Variants in CDK12 observed in about 807,000 individuals in gnomAD.
CDK12 encodes cyclin dependent kinase 12.
A neutral mutation model predicts 133.8 loss-of-function variants in CDK12; 17 were observed. The ratio of observed to expected loss-of-function variants is 0.13; its 90% CI spans 0.09 to 0.19. The LOEUF is 0.19. Ranked by LOEUF, CDK12 falls within the 10% of genes least tolerant of loss-of-function variation. The pLI, the probability that CDK12 is intolerant of heterozygous loss-of-function variation, is 1.00. For synonymous variants in CDK12, 694 were observed against 683.6 expected (o/e 1.02, Z -0.24); for missense variants, 1,508 against 1,818.7 (o/e 0.83, Z 3.11).
chr17:39,467,097 G>A (rs1232217738), intron 1 of CDK12, among the ~76,000 whole-genome samples: 2 of 152,038 alleles, frequency 1.3e-5, no homozygotes, highest in Admixed American at 1.3e-4. Context: ...TCCTGCCTCA[G>A]CCTCCCAAGT....
rs2051922442 is a variant in CDK12 at position 39,494,692 on chromosome 17, A to G, written c.2417A>G (p.Lys806Arg). The change falls in exon 5 of 14, where the codon AAA becomes AGA. Residue 806 changes from lysine (K) to arginine (R), a missense_variant and splice_region_variant. Physicochemically the swap from Lys to Arg is conservative, Grantham distance 26. Transcript: ENST00000447079. ...GATGCACTGGATTTCAAGAAGGACA[A>G]AGGTACTAGCAAAGAATCACATTTT... is the stretch of plus-strand genomic sequence containing the variant. ...KQDALDFKKD[K>R]GAFYLVFEYM... The G allele has an allele frequency of 3.2e-6, 5 of 1,562,832 alleles. 1 individual carries two copies. In the African/African-American group the frequency reaches 5.5e-5, roughly 17 times the overall value.
Position 39,515,711 on chromosome 17 carries a change from C to A in CDK12, c.2769-20C>A. On this transcript the variant is annotated intron_variant, in intron 8 of 13. Coordinates refer to ENST00000447079, the MANE Select transcript of CDK12 (RefSeq NM_016507.4). ...GCTCTAAGAATTTCTCTTCTGACCT[C>A]TCAATTTTACCTTTTCTAGATGTAT... 6.4e-7 allele frequency: 1 copy of A among 1,567,242 alleles called. No homozygotes were observed. Among genetic ancestry groups the A allele is most frequent in the Non-Finnish European group, 8.8e-7 (1 of 1,139,358 alleles).
chr17:39,563,200 C>T (rs1441738995), intron 3 of CDK12, among the ~76,000 whole-genome samples: 1 of 151,946 alleles, frequency 6.6e-6, no homozygotes, highest in Admixed American at 6.6e-5. Flanking sequence ...CACACACTCA[C>T]ACACACGAAT....
intron 1 of CDK12, among the ~76,000 whole-genome samples, chr17:39,467,833 T>C (rs1001396334): frequency 2.0e-5 from 3 of 152,168 alleles, no homozygotes; most frequent in South Asian, 2.1e-4. Context: ...CAGTATTTTA[T>C]ATTCTCATGT....
At chr17:39,493,281 A>G (rs1015057002) in intron 4 of CDK12, among the ~76,000 whole-genome samples, 1 of 147,650 alleles carries the variant, frequency 6.8e-6, no homozygotes, top group Non-Finnish European at 1.5e-5. Context: ...GGGATTATAG[A>G]TGTGAGCCAC....
chr17:39,481,635 T>C (rs12940667), intron 2 of CDK12, among the ~76,000 whole-genome samples: 393 of 18,124 alleles, frequency 0.022, 21 homozygotes, highest in African/African-American at 0.039. Flanking sequence ...GCTCGCGCGC[T>C]CTCTCTCTCT....
At chr17:39,474,153 C>CT (rs2050013022) in intron 2 of CDK12, among the ~76,000 whole-genome samples, 1 of 152,146 alleles carries the variant, frequency 6.6e-6, no homozygotes, top group Non-Finnish European at 1.5e-5. Context: ...TGATGGCAGT[C>CT]TTTGTGTTAT....
intron 6 of CDK12, among the ~76,000 whole-genome samples, chr17:39,504,748 G>A (rs190158878): frequency 6.6e-6 from 1 of 151,820 alleles, no homozygotes; most frequent in African/African-American, 2.4e-5. Context: ...GCTTGGTGGT[G>A]CACGCATCTA....
At chr17:39,495,226 C>T (rs1225436050) in intron 5 of CDK12, among the ~76,000 whole-genome samples, 2 of 151,890 alleles carry the variant, frequency 1.3e-5, no homozygotes, top group Non-Finnish European at 1.5e-5. Context: ...TTCAGGCATG[C>T]GCCATCATTC....
chr17:39,466,805 G>C (rs889776892), intron 1 of CDK12, among the ~76,000 whole-genome samples: 1 of 151,740 alleles, frequency 6.6e-6, no homozygotes, highest in African/African-American at 2.4e-5. Flanking sequence ...CTTATAGAGA[G>C]CATTATATGT....
intron 2 of CDK12, among the ~76,000 whole-genome samples, chr17:39,483,753 C>T (rs541264651): frequency 6.6e-6 from 1 of 151,250 alleles, no homozygotes; most frequent in African/African-American, 2.4e-5. Flanking sequence ...GATTCTTACT[C>T]TCATGATCCG....
At position 39,471,236 on chromosome 17, in the gene CDK12, A is replaced by G. The variant is rs777706479; in HGVS notation, c.1404A>G (p.Leu468=). 1 of 1,607,834 alleles carries G rather than the reference A, an allele frequency of 6.2e-7. No homozygotes were observed. Among genetic ancestry groups the G allele is most frequent in the African/African-American group, 1.3e-5 (1 of 74,280 alleles). Reference sequence around the variant, plus strand: ...CTGAACTGGTGAATGTAACACATCTAAACACAGAGGTAAAAAATTCTTCAG... The same window carrying G: ...CTGAACTGGTGAATGTAACACATCTGAACACAGAGGTAAAAAATTCTTCAG... The part of the protein sequence containing the change: ...PDTELVNVTH[L]NTEVKNSSDT... Residue 468 remains leucine, a synonymous_variant, in exon 2 of 14, where the codon CTA becomes CTG. Coordinates refer to ENST00000447079, the MANE Select transcript of CDK12 (RefSeq NM_016507.4).
At chr17:39,477,381 G>A (rs529965176) in intron 2 of CDK12, among the ~76,000 whole-genome samples, 19 of 151,428 alleles carry the variant, frequency 1.3e-4, no homozygotes, top group South Asian at 6.2e-4. Context: ...GACTACAGGC[G>A]CATGCCACCA....
upstream of CDK12, among the ~76,000 whole-genome samples, chr17:39,544,958 T>G (rs1315377569): frequency 6.6e-6 from 1 of 152,156 alleles, no homozygotes; most frequent in Non-Finnish European, 1.5e-5. Context: ...AGTTTCTTAT[T>G]CCGAAAGATC....
At chr17:39,476,711 C>CTTTTTTTTTTTTTCT (rs2050226043) in intron 2 of CDK12, among the ~76,000 whole-genome samples, 1 of 84,516 alleles carries the variant, frequency 1.2e-5, no homozygotes, top group African/African-American at 5.7e-5. Flanking sequence ...CCATGCCTGC[C>CTTTTTTTTTTTTTCT]TTTTTTTTTT....
chr17:39,464,075 C>T (rs1436262873), intron 1 of CDK12, among the ~76,000 whole-genome samples: 2 of 152,006 alleles, frequency 1.3e-5, no homozygotes, highest in Non-Finnish European at 2.9e-5. Flanking sequence ...ATAATAAATA[C>T]CTACTTTTAA....
At chr17:39,489,543 T>TG (rs2051410549) in intron 2 of CDK12, among the ~76,000 whole-genome samples, 1 of 146,960 alleles carries the variant, frequency 6.8e-6, no homozygotes. Flanking sequence ...TTCATACTGT[T>TG]GCCTGGGCTG....
rs983019285 is a variant in CDK12 at position 39,533,797 on chromosome 17, GAAA to G, written c.*2488_*2490del. On this transcript the variant is annotated 3_prime_UTR_variant, in exon 14 of 14. Coordinates refer to ENST00000447079, the MANE Select transcript of CDK12 (RefSeq NM_016507.4). ...TTTGACTATTTCTAAAAGCAGAGGA[GAAA>G]AAAAAACTTATTTAAATATCCTGGA... The G allele has an allele frequency of 7.8e-5, 18 of 229,672 alleles. No homozygotes were observed. Among genetic ancestry groups the G allele is most frequent in the African/African-American group, 3.6e-4 (16 of 44,792 alleles). 14.2% of individuals were successfully genotyped at this position (229,672 alleles called of 1,614,324 possible).
At chr17:39,492,642 C>G in intron 3 of CDK12, 109 bp from the exon 4 acceptor site, 1 of 707,424 alleles carries the variant, frequency 1.4e-6, no homozygotes, top group Non-Finnish European at 2.3e-6. Flanking sequence ...ATCTCCTGAC[C>G]TCGTGATCTG....
Sources: allele counts gnomAD v4.1 joint callset (sites outside exome capture counted in the v4.1 genomes callset), GRCh38; gene constraint gnomAD v4.1.1; transcripts MANE v1.5; gene names NCBI Gene and HGNC (gene_info 2026-07-23, HGNC 2026-07-21).